The following STX8 variants were observed in gnomAD, a reference collection of about 807,000 sequenced individuals.
The protein encoded by STX8 is syntaxin 8.
STX8 carries 23 observed loss-of-function variants against 37.5 expected under a neutral mutation model. The ratio of observed to expected loss-of-function variants is 0.61; its 90% CI spans 0.44 to 0.87. The LOEUF is 0.87. STX8 is among the 40% of genes least tolerant of loss of function. STX8 has a pLI of 0.00. For missense variants in STX8, 313 were observed against 284.7 expected, an observed-to-expected ratio of 1.10 and a Z score of -0.71; for synonymous variants, 115 against 99.1, an observed-to-expected ratio of 1.16 and a Z score of -0.95.
chr17:9,430,828 T>G (rs1190199718), intron 6 of STX8, among the ~76,000 whole-genome samples: 1 of 152,144 alleles, frequency 6.6e-6, no homozygotes, highest in Non-Finnish European at 1.5e-5. Flanking sequence ...TTTTTGTATT[T>G]TTAGTAGAGA....
intron 6 of STX8, among the ~76,000 whole-genome samples, chr17:9,451,345 C>T (rs543842306): frequency 1.4e-3 from 206 of 152,214 alleles, no homozygotes; most frequent in African/African-American, 4.7e-3. Context: ...GTGTGATCTA[C>T]GGCGACAGAC....
chr17:9,572,201 A>G (rs1322537135), intron 1 of STX8, among the ~76,000 whole-genome samples: 1 of 152,196 alleles, frequency 6.6e-6, no homozygotes, highest in Non-Finnish European at 1.5e-5. Flanking sequence ...GGTAAAGCTA[A>G]TTAACATTAG....
At chr17:9,535,712 G>A (rs758116734) in intron 4 of STX8, among the ~76,000 whole-genome samples, 2 of 151,876 alleles carry the variant, frequency 1.3e-5, no homozygotes, top group South Asian at 2.1e-4. Flanking sequence ...GATTACAGGC[G>A]TGAGCCATCG....
intron 4 of STX8, among the ~76,000 whole-genome samples, chr17:9,529,352 TA>T (rs903293623): frequency 4.6e-5 from 7 of 152,172 alleles, no homozygotes; most frequent in African/African-American, 1.7e-4. Context: ...TGTATATAAA[TA>T]TAACCATATC....
At chr17:9,306,659 G>A (rs537665443) in intron 7 of STX8, among the ~76,000 whole-genome samples, 3 of 151,536 alleles carry the variant, frequency 2.0e-5, no homozygotes, top group Non-Finnish European at 4.4e-5. Context: ...CAGCTACTTG[G>A]GAGGCTGAGG....
chr17:9,268,224 A>C (rs1907300022), intron 7 of STX8, among the ~76,000 whole-genome samples: 1 of 151,942 alleles, frequency 6.6e-6, no homozygotes, highest in East Asian at 1.9e-4. Flanking sequence ...CACTAGGAGC[A>C]ACACGAGAGC....
At chr17:9,270,704 A>G (rs1907423790) in intron 7 of STX8, among the ~76,000 whole-genome samples, 1 of 152,220 alleles carries the variant, frequency 6.6e-6, no homozygotes, top group Non-Finnish European at 1.5e-5. Flanking sequence ...ACAAATTATC[A>G]ATAGAATAGG....
rs1419473497 is a variant in STX8 at position 9,372,410 on chromosome 17, T to C, written c.643+6142A>G. 4.6e-5 allele frequency among the ~76,000 whole-genome samples: 7 copies of C among 152,266 alleles called. No homozygotes were observed. In the South Asian group the frequency reaches 8.3e-4, roughly 18 times the overall value. On this transcript the variant is annotated intron_variant, in intron 7 of 7. Transcript: ENST00000306357. ...CCCAGGGACTAAATTTCCACCCCAT[T>C]TGCCTGCCCCTCTCAGGCTACAGAA...
intron 6 of STX8, among the ~76,000 whole-genome samples, chr17:9,472,029 CATA>C (rs71135987): frequency 0.12 from 17,968 of 150,590 alleles, 1,119 homozygotes; most frequent in Middle Eastern, 0.17. Flanking sequence ...CCACACAGAT[CATA>C]ATATTAAATC....
At chr17:9,486,440 A>T (rs987809223) in intron 6 of STX8, among the ~76,000 whole-genome samples, 2 of 152,248 alleles carry the variant, frequency 1.3e-5, no homozygotes, top group Admixed American at 6.5e-5. Flanking sequence ...TCATCCATCA[A>T]ATCGTGCCTC....
chr17:9,405,779 C>G (rs544932037), intron 6 of STX8, among the ~76,000 whole-genome samples: 1 of 152,268 alleles, frequency 6.6e-6, no homozygotes, highest in Admixed American at 6.5e-5. Context: ...TGTCTGCTGC[C>G]TCTTGGTTGA....
At chr17:9,415,328 C>T (rs189365863) in intron 6 of STX8, among the ~76,000 whole-genome samples, 1 of 152,234 alleles carries the variant, frequency 6.6e-6, no homozygotes, top group Admixed American at 6.5e-5. Flanking sequence ...TGTTGACGCC[C>T]TCCCTAGTTT....
intron 6 of STX8, among the ~76,000 whole-genome samples, chr17:9,464,128 C>CT (rs1753688643): frequency 6.6e-6 from 1 of 152,154 alleles, no homozygotes; most frequent in African/African-American, 2.4e-5. Flanking sequence ...AAATATTCTT[C>CT]TTTGAGACAA....
chr17:9,252,951 A>G (rs1032708649), intron 7 of STX8, among the ~76,000 whole-genome samples: 4 of 152,228 alleles, frequency 2.6e-5, no homozygotes, highest in Non-Finnish European at 5.9e-5. Context: ...TGTGGTCTGC[A>G]CAGCCTAAAC....
intron 7 of STX8, among the ~76,000 whole-genome samples, chr17:9,252,658 G>GCTT (rs1036216660): frequency 6.0e-5 from 9 of 150,758 alleles, no homozygotes; most frequent in Non-Finnish European, 1.2e-4. Flanking sequence ...ACTAGGGCAA[G>GCTT]CTTCTTTGTC....
intron 7 of STX8, among the ~76,000 whole-genome samples, chr17:9,278,914 A>G (rs1874576986): frequency 6.6e-6 from 1 of 152,150 alleles, no homozygotes; most frequent in Non-Finnish European, 1.5e-5. Flanking sequence ...GGACAGCAGC[A>G]GAGTGACTAC....
At chr17:9,567,949 G>A (rs1298338680) in intron 2 of STX8, among the ~76,000 whole-genome samples, 1 of 152,132 alleles carries the variant, frequency 6.6e-6, no homozygotes, top group Admixed American at 6.6e-5. Context: ...GCCTCCCAAA[G>A]TGCTGGGATT....
At chr17:9,549,450 G>C (rs966920427) in intron 3 of STX8, among the ~76,000 whole-genome samples, 1 of 152,178 alleles carries the variant, frequency 6.6e-6, no homozygotes. Flanking sequence ...GGTGAGCATG[G>C]CTAAGTCACT....
chr17:9,426,062 TGTC>T (rs1913617783), intron 6 of STX8, among the ~76,000 whole-genome samples: 1 of 97,744 alleles, frequency 1.0e-5, no homozygotes, highest in Non-Finnish European at 2.0e-5. Flanking sequence ...CTAGACAATC[TGTC>T]TTTAATCTGA....
Sources: allele counts gnomAD v4.1 joint callset (sites outside exome capture counted in the v4.1 genomes callset), GRCh38; gene constraint gnomAD v4.1.1; transcripts MANE v1.5; gene names NCBI Gene and HGNC (gene_info 2026-07-23, HGNC 2026-07-21).